FKBP11: variants seen among roughly 807,000 people sequenced by gnomAD.
FKBP11 encodes the protein FKBP prolyl isomerase 11.
In FKBP11, 21 loss-of-function variants were observed where a neutral mutation model predicts 24.7. The observed-to-expected ratio is 0.85, with a 90% CI of 0.60 to 1.23. The LOEUF (loss-of-function observed/expected upper bound fraction) is 1.23. Ranked by LOEUF, FKBP11 falls within the 50% of genes most tolerant of loss-of-function variation. FKBP11 has a pLI of 0.00. For synonymous variants in FKBP11, 106 were observed against 100.6 expected (o/e 1.05, Z -0.32); for missense variants, 245 against 248.7 (o/e 0.99, Z 0.10).
intron 5 of FKBP11, chr12:48,922,967 G>A: frequency 1.2e-6 from 1 of 800,344 alleles, no homozygotes; most frequent in Non-Finnish European, 1.7e-6. Context: ...TGGCCAACAT[G>A]GAGAAGCCCC....
At chr12:48,923,973 A>G (rs1304405884) in intron 4 of FKBP11, 121 bp from the exon 5 acceptor site, 2 of 1,047,562 alleles carry the variant, frequency 1.9e-6, no homozygotes, top group Non-Finnish European at 3.0e-6. Flanking sequence ...GAATTTTTCC[A>G]CCTGAACACC....
At chr12:48,932,032 C>T in the FKBP11 span, among the ~76,000 whole-genome samples, 2 of 150,692 alleles carry the variant, frequency 1.3e-5, no homozygotes, top group African/African-American at 4.9e-5. Context: ...TTTTTTTGGC[C>T]GGGCACAATG....
chr12:48,935,014 G>A, the FKBP11 span, among the ~76,000 whole-genome samples: 65 of 51,154 alleles, frequency 1.3e-3, no homozygotes, highest in Non-Finnish European at 2.2e-3. Context: ...ACCAAATTCC[G>A]TCTCAAAAAA....
At chr12:48,937,716 G>C in the FKBP11 span, 1 of 152,302 alleles carries the variant, frequency 6.6e-6, no homozygotes, top group Admixed American at 6.5e-5. Flanking sequence ...TGGAGAAGAG[G>C]GGGGTTGATA....
chr12:48,925,267 C>A, intron 1 of FKBP11, 33 bp downstream of exon 1: 3 of 1,607,258 alleles, frequency 1.9e-6, no homozygotes, highest in Non-Finnish European at 1.7e-6. Context: ...AGGCTCGGCC[C>A]ACGGGGGCTG....
intron 1 of FKBP11, 35 bp from the exon 2 acceptor site, chr12:48,925,146 C>T (rs1183562061): frequency 6.2e-7 from 1 of 1,609,194 alleles, no homozygotes; most frequent in South Asian, 1.1e-5. Flanking sequence ...GGATGCTCTT[C>T]CAAAGATCCC....
Position 48,922,211 on chromosome 12 carries a change from C to CAGAGGGGTGG in FKBP11, c.389-20_389-11dup, listed in dbSNP as rs776264817. ...TGCACCACTGCATCCGCTGGAGAGG[C>CAGAGGGGTGG]AGAGGGGTGGAGAGGGTTAGACTCT... On this transcript the variant is annotated splice_polypyrimidine_tract_variant and intron_variant, in intron 5 of 5. Coordinates refer to ENST00000550765, the MANE Select transcript of FKBP11 (RefSeq NM_016594.3). The CAGAGGGGTGG allele has an allele frequency of 3.9e-5, 63 of 1,608,054 alleles. 1 individual carries two copies. The South Asian group carries it at 6.8e-4, about 17-fold the overall frequency.
rs528814785 is a variant in FKBP11, at chr12:48,923,241, T to C, written c.388+541A>G. 59 of 1,334,780 alleles carry C rather than the reference T, an allele frequency of 4.4e-5. No individual in the cohort carries two copies. The African/African-American group carries it at 5.9e-4, about 13-fold the overall frequency. The allele number at this position is 1,334,780 out of a possible 1,614,324, so 82.7% of individuals were successfully genotyped here. A position where few individuals can be genotyped will look rare whatever the true frequency, so the allele number is the denominator to read the frequency against. On this transcript the variant is annotated intron_variant, in intron 5 of 5. Coordinates refer to ENST00000550765, the MANE Select transcript of FKBP11 (RefSeq NM_016594.3). ...TTGTTAGAACTGAAAGCAAAAGATA[T>C]GCATCTTGGGAAATCTGTCCATCTC...
At chr12:48,936,648 C>T in the FKBP11 span, 1 of 152,328 alleles carries the variant, frequency 6.6e-6, no homozygotes, top group Non-Finnish European at 1.5e-5. Context: ...CCCTGGAGCC[C>T]CCAAAAAAAC....
the FKBP11 span, among the ~76,000 whole-genome samples, chr12:48,932,251 A>T: frequency 2.6e-5 from 1 of 39,146 alleles, no homozygotes; most frequent in African/African-American, 1.1e-4. Flanking sequence ...ATATATATAT[A>T]TATATATATA....
At position 48,924,036 on chromosome 12, in the gene FKBP11, G is replaced by A. The variant is rs188961410; in HGVS notation, c.318-184C>T. ...TCTCCCCATGTGCCTCAACTCCCCC[G>A]ACAAAAGCAACAGCGCAAGAGGCAC... On this transcript the variant is annotated intron_variant, in intron 4 of 5. Transcript: ENST00000550765. 242 of 884,460 alleles carry A rather than the reference G, an allele frequency of 2.7e-4. 1 individual carries two copies. In the African/African-American group the frequency reaches 3.5e-3, roughly 13 times the overall value. The allele number at this position is 884,460 out of a possible 1,614,324, so 54.8% of individuals were successfully genotyped here. A position where few individuals can be genotyped will look rare whatever the true frequency, so the allele number is the denominator to read the frequency against.
chr12:48,934,956 C>T, the FKBP11 span, among the ~76,000 whole-genome samples: 58,319 of 143,426 alleles, frequency 0.41, 12,275 homozygotes, highest in Admixed American at 0.54. Flanking sequence ...GGAGGAGAGG[C>T]TGTGGTGAGC....
In FKBP11 at chr12:48,923,369, G is replaced by A. The variant is rs1325720001; in HGVS notation, c.388+413C>T. ...CTTTTTGTTTTGTTTTGAATCACTTGACTGTGATTATTTTTACTGTCTCTT... is the reference window on the plus strand; with the variant it reads ...CTTTTTGTTTTGTTTTGAATCACTTAACTGTGATTATTTTTACTGTCTCTT... On this transcript the variant is annotated intron_variant, in intron 5 of 5. Coordinates refer to ENST00000550765, the MANE Select transcript of FKBP11 (RefSeq NM_016594.3). 1.0e-5 allele frequency: 15 copies of A among 1,442,336 alleles called. No homozygotes were observed. The Admixed American group carries it at 3.9e-4, about 37-fold the overall frequency. 89.3% of individuals were successfully genotyped at this position (1,442,336 alleles called of 1,614,324 possible). A position where few individuals can be genotyped will look rare whatever the true frequency, so the allele number is the denominator to read the frequency against.
At chr12:48,924,432 G>A (rs1224970942) in intron 3 of FKBP11, 129 bp downstream of exon 3, 27 of 1,130,308 alleles carry the variant, frequency 2.4e-5, no homozygotes, top group Non-Finnish European at 3.3e-5. Context: ...TTGAACCTCA[G>A]GAGGTAACTC....
the FKBP11 span, among the ~76,000 whole-genome samples, chr12:48,932,236 T>TC: frequency 6.3e-5 from 2 of 31,856 alleles, no homozygotes; most frequent in East Asian, 1.3e-3. Context: ...TTTATATATA[T>TC]ATATATATAT....
At chr12:48,924,788 G>C in intron 2 of FKBP11, 140 bp from the exon 3 acceptor site, 1 of 1,474,398 alleles carries the variant, frequency 6.8e-7, no homozygotes, top group Non-Finnish European at 9.0e-7. Context: ...GTAAGGAACA[G>C]GAAGCCCCAG....
Position 48,924,273 on chromosome 12 carries a change from C to T in FKBP11, c.284-17G>A. ...GCTCCAGACCTTGAAGAAGAAGACA[C>T]AACTGAACTGGAAGCTATCCACCTT... On this transcript the variant is annotated splice_polypyrimidine_tract_variant and intron_variant, in intron 3 of 5. Coordinates refer to ENST00000550765, the MANE Select transcript of FKBP11 (RefSeq NM_016594.3). The T allele has an allele frequency of 1.2e-6, 2 of 1,614,200 alleles. No individual in the cohort carries two copies. The highest frequency in any genetic ancestry group is 1.1e-5 in the South Asian group (1 of 91,090).
rs565795768 is a variant in FKBP11 at position 48,923,004 on chromosome 12, C to T, written c.388+778G>A. 255 of 761,286 alleles carry T rather than the reference C, an allele frequency of 3.3e-4. No individual in the cohort carries two copies. The African/African-American group carries it at 4.3e-3, about 13-fold the overall frequency. The allele number at this position is 761,286 out of a possible 1,614,324, so 47.2% of individuals were successfully genotyped here. A position where few individuals can be genotyped will look rare whatever the true frequency, so the allele number is the denominator to read the frequency against. On this transcript the variant is annotated intron_variant, in intron 5 of 5. Transcript: ENST00000550765. ...TCTCTACTAAAAGTATAAAATTAGCCGGTCGTGGTGGCGCATGCCTGTAAT... is the reference window on the plus strand; with the variant it reads ...TCTCTACTAAAAGTATAAAATTAGCTGGTCGTGGTGGCGCATGCCTGTAAT...
upstream of FKBP11, among the ~76,000 whole-genome samples, chr12:48,930,225 C>T (rs987750997): frequency 2.0e-5 from 3 of 152,078 alleles, no homozygotes; most frequent in Non-Finnish European, 2.9e-5. Context: ...TGTATATATA[C>T]CCTAAGTAAA....
Sources: allele counts gnomAD v4.1 joint callset (sites outside exome capture counted in the v4.1 genomes callset), GRCh38; gene constraint gnomAD v4.1.1; transcripts MANE v1.5; gene names NCBI Gene and HGNC (gene_info 2026-07-23, HGNC 2026-07-21).